Variants in EEF1AKMT1 observed in about 807,000 individuals in gnomAD.
EEF1AKMT1 encodes the protein EEF1A lysine methyltransferase 1.
Under a neutral mutation model 21.0 loss-of-function variants are expected in EEF1AKMT1, and 18 were observed. That is an observed-to-expected ratio of 0.86 (90% CI 0.59 to 1.27). The LOEUF (loss-of-function observed/expected upper bound fraction) is 1.27. EEF1AKMT1 is among the 50% of genes most tolerant of loss of function. The pLI is 0.00. For synonymous variants in EEF1AKMT1, 109 were observed against 94.8 expected (o/e 1.15, Z -0.87); for missense variants, 246 against 258.6 (o/e 0.95, Z 0.33).
At chr13:20,737,517 A>AAG (rs2058832953) in intron 3 of EEF1AKMT1, among the ~76,000 whole-genome samples, 1 of 152,246 alleles carries the variant, frequency 6.6e-6, no homozygotes, top group Non-Finnish European at 1.5e-5. Context: ...TGTTAAAAGG[A>AAG]AGAGATAAGA....
At chr13:20,741,433 G>GT (rs762748652) in intron 2 of EEF1AKMT1, among the ~76,000 whole-genome samples, 8 of 142,306 alleles carry the variant, frequency 5.6e-5, no homozygotes, top group Non-Finnish European at 1.1e-4. Flanking sequence ...TTGTTTGTTT[G>GT]TTGTTTTTTA....
intron 2 of EEF1AKMT1, among the ~76,000 whole-genome samples, chr13:20,748,311 C>G (rs1353057674): frequency 6.6e-6 from 1 of 152,070 alleles, no homozygotes; most frequent in Admixed American, 6.6e-5. Context: ...TGGCGGGCGC[C>G]TGTAGTCCCA....
At chr13:20,769,124 C>T (rs777403109) in intron 1 of EEF1AKMT1, 3 of 151,850 alleles carry the variant, frequency 2.0e-5, no homozygotes, top group Admixed American at 6.6e-5. Context: ...TGTGCACCCA[C>T]GAGAGAGGGC....
intron 2 of EEF1AKMT1, among the ~76,000 whole-genome samples, chr13:20,743,041 TTATCC>T (rs2058881162): frequency 6.6e-6 from 1 of 152,198 alleles, no homozygotes; most frequent in South Asian, 2.1e-4. Context: ...TCATAAAATA[TTATCC>T]TATATTTTCT....
rs57340074 is a variant in EEF1AKMT1 at position 20,762,175 on chromosome 13, C to CT, written c.-19-4559dup. Among the ~76,000 whole-genome samples the CT allele has an allele frequency of 7.5e-3, 984 of 131,320 alleles. 14 individuals carry two copies. Among genetic ancestry groups the CT allele is most frequent in the African/African-American group, 0.015 (539 of 34,814 alleles). 86.2% of individuals were successfully genotyped at this position (131,320 alleles called of 152,430 possible). ...TTCATCTTTGATGTATTTCATCAGT[C>CT]TTTTTTTTTTTTTTTTTTTTAATTT... On this transcript the variant is annotated intron_variant, in intron 1 of 4. Coordinates refer to ENST00000382758, the MANE Select transcript of EEF1AKMT1 (RefSeq NM_001318939.2).
chr13:20,767,238 G>A (rs9506552), intron 1 of EEF1AKMT1, among the ~76,000 whole-genome samples: 55,285 of 147,980 alleles, frequency 0.37, 12,284 homozygotes, highest in Non-Finnish European at 0.51. Context: ...CCCGGGAGGC[G>A]GAGCTTGCAG....
chr13:20,745,692 T>TGG (rs2058899946), intron 2 of EEF1AKMT1, among the ~76,000 whole-genome samples: 2 of 151,734 alleles, frequency 1.3e-5, no homozygotes, highest in African/African-American at 4.8e-5. Context: ...CTTCTAAAAA[T>TGG]ACAAAAATTA....
rs138716465 is a variant in EEF1AKMT1, at chr13:20,732,172, G to A, written c.228-51C>T. 5.8e-4 allele frequency: 896 copies of A among 1,540,428 alleles called. 3 individuals carry two copies. In the African/African-American group the frequency reaches 0.01, roughly 18 times the overall value. ...GAAACATCCTTAACAGAGAGATTAC[G>A]GTGTTAACAACTTCTTCACTAAACA... On this transcript the variant is annotated intron_variant, in intron 3 of 4. Transcript: ENST00000382758.
intron 1 of EEF1AKMT1, among the ~76,000 whole-genome samples, chr13:20,762,751 T>G (rs1277111448): frequency 6.6e-6 from 1 of 152,062 alleles, no homozygotes; most frequent in Non-Finnish European, 1.5e-5. Flanking sequence ...TGAGCTCAAG[T>G]GTTCCTCCTG....
At chr13:20,748,271 TA>T (rs2141424654) in intron 2 of EEF1AKMT1, among the ~76,000 whole-genome samples, 1 of 152,106 alleles carries the variant, frequency 6.6e-6, no homozygotes, top group East Asian at 1.9e-4. Flanking sequence ...CCGTCTCTAC[TA>T]AAAATACAAA....
rs1178286391 is a variant in EEF1AKMT1 at position 20,737,825 on chromosome 13, T to C, written c.145-20A>G. 1.3e-6 allele frequency: 2 copies of C among 1,586,846 alleles called. No homozygotes were observed. On this transcript the variant is annotated intron_variant, in intron 2 of 4. Transcript: ENST00000382758. The stretch of plus-strand genomic sequence containing the variant: ...CAGTTGCTGTAACCGAGAAATAGGT[T>C]GATAGCATTTTAGAACTGGCATAAG...
chr13:20,738,411 A>AT (rs1436133540), intron 2 of EEF1AKMT1, among the ~76,000 whole-genome samples: 1 of 152,236 alleles, frequency 6.6e-6, no homozygotes, highest in Non-Finnish European at 1.5e-5. Context: ...ATAGTTATAA[A>AT]TTAAGCAGGA....
Position 20,729,183 on chromosome 13 carries a change from A to G in EEF1AKMT1, c.542T>C (p.Leu181Pro), listed in dbSNP as rs2141407766. The change falls in exon 5 of 5, where the codon CTT becomes CCT. Residue 181 changes from leucine to proline, a missense_variant. Physicochemically the swap from Leu to Pro is moderately conservative, Grantham distance 98. Transcript: ENST00000382758. ...AACAAACGTGCACATCTTCACTCCAAGGAGTTCTGCTGCCTGTTCTTCCAT... is the reference window on the plus strand; with the variant it reads ...AACAAACGTGCACATCTTCACTCCAGGGAGTTCTGCTGCCTGTTCTTCCAT... ...AIMEEQAAEL[L>P]GVKMCTFVPR... The G allele has an allele frequency of 1.2e-6, 2 of 1,614,184 alleles. No homozygotes were observed.
rs114541480 is a variant in EEF1AKMT1 at position 20,747,400 on chromosome 13, C to T, written c.145-9595G>A. 2.0e-3 allele frequency: 463 copies of T among 227,444 alleles called. 1 individual carries two copies. The highest frequency in any genetic ancestry group is 0.01 in the African/African-American group (446 of 43,120). 14.1% of individuals were successfully genotyped at this position (227,444 alleles called of 1,614,324 possible). On this transcript the variant is annotated intron_variant, in intron 2 of 4. Transcript: ENST00000382758. ...TGTCCTTTATACCCACTCAGTTGCC[C>T]TCAACACAATGGGGATGTTTTCACA...
At chr13:20,756,559 G>A (rs979820656) in intron 2 of EEF1AKMT1, among the ~76,000 whole-genome samples, 1 of 152,200 alleles carries the variant, frequency 6.6e-6, no homozygotes, top group Non-Finnish European at 1.5e-5. Flanking sequence ...GCAGAAGTTT[G>A]TATTGGATGT....
chr13:20,764,880 A>AACACACAC (rs34574835), intron 1 of EEF1AKMT1, among the ~76,000 whole-genome samples: 6,447 of 139,790 alleles, frequency 0.046, 188 homozygotes, highest in East Asian at 0.12. Flanking sequence ...TTTCACTTTC[A>AACACACAC]ACACACACAC....
At chr13:20,760,173 T>G (rs924859851) in intron 1 of EEF1AKMT1, among the ~76,000 whole-genome samples, 1 of 151,140 alleles carries the variant, frequency 6.6e-6, no homozygotes, top group Admixed American at 6.6e-5. Flanking sequence ...AGGGAATGCT[T>G]ATACACTGCG....
chr13:20,733,720 G>T (rs1340816898), intron 3 of EEF1AKMT1, among the ~76,000 whole-genome samples: 1 of 152,176 alleles, frequency 6.6e-6, no homozygotes, highest in Non-Finnish European at 1.5e-5. Context: ...CTGCCTCATG[G>T]GAGAGTGCCT....
At chr13:20,733,283 A>G (rs991608263) in intron 3 of EEF1AKMT1, among the ~76,000 whole-genome samples, 8 of 152,066 alleles carry the variant, frequency 5.3e-5, no homozygotes, top group Non-Finnish European at 1.0e-4. Flanking sequence ...TTTAGCAGAG[A>G]CGGGGTTTCA....
Sources: gnomAD v4.1 joint callset for allele counts (sites outside exome capture counted in the v4.1 genomes callset) on GRCh38, gnomAD v4.1.1 for gene constraint, MANE v1.5 for transcripts, NCBI Gene and HGNC (gene_info 2026-07-23, HGNC 2026-07-21) for gene names.